The following CAMK1D variants were observed in gnomAD, a reference collection of about 807,000 sequenced individuals.
CAMK1D encodes the protein calcium/calmodulin-dependent protein kinase type 1D.
In CAMK1D, 9 loss-of-function variants were observed where a neutral mutation model predicts 47.7. The observed-to-expected ratio is 0.19, with a 90% CI of 0.11 to 0.33. CAMK1D has a LOEUF of 0.33. Among genes scored for constraint, CAMK1D ranks in the 10% least tolerant of loss-of-function variants. The probability of loss-of-function intolerance (pLI) is 1.00; values close to 1 mark genes in which losing one functional copy is unlikely to be tolerated. For synonymous variants in CAMK1D, 184 were observed against 184.9 expected (o/e 0.99, Z 0.04); for missense variants, 291 against 488.7 (o/e 0.60, Z 3.81).
intron 3 of CAMK1D, among the ~76,000 whole-genome samples, chr10:12,717,598 A>G (rs763802806): frequency 8.5e-5 from 13 of 152,050 alleles, no homozygotes; most frequent in Non-Finnish European, 1.3e-4. Flanking sequence ...AGTAAAAAAA[A>G]AAAATAGCCA....
At chr10:12,539,933 G>C (rs1447543011) in intron 1 of CAMK1D, among the ~76,000 whole-genome samples, 3 of 152,128 alleles carry the variant, frequency 2.0e-5, no homozygotes, top group Non-Finnish European at 4.4e-5. Context: ...TTTTTTAAGA[G>C]ACAGGGTCTC....
At chr10:12,716,849 A>G (rs1224315623) in intron 3 of CAMK1D, among the ~76,000 whole-genome samples, 1 of 152,040 alleles carries the variant, frequency 6.6e-6, no homozygotes. Context: ...TGGTACCATC[A>G]CCCGCGGCCT....
At position 12,508,343 on chromosome 10, in the gene CAMK1D, C is replaced by A. The variant is rs111700470; in HGVS notation, c.93-44882C>A. 4.1e-3 allele frequency among the ~76,000 whole-genome samples: 628 copies of A among 152,366 alleles called. 2 individuals are homozygous for A. The highest frequency in any genetic ancestry group is 0.015 in the African/African-American group (609 of 41,580). The stretch of plus-strand genomic sequence containing the variant: ...ACCTTACAAAAAAAGGAAATTCTGA[C>A]CCATGCTGCTGCATGGGTGAAACCT... On this transcript the variant is annotated intron_variant, in intron 1 of 10. Coordinates refer to ENST00000619168, the MANE Select transcript of CAMK1D (RefSeq NM_153498.4).
At chr10:12,828,706 G>A in intron 10 of CAMK1D, 63 bp from the exon 11 acceptor site, 1 of 1,351,268 alleles carries the variant, frequency 7.4e-7, no homozygotes, top group Non-Finnish European at 1.1e-6. Context: ...ACACCTGGCA[G>A]TGGGAAGCAG....
At chr10:12,812,683 G>A (rs1320346606) in intron 6 of CAMK1D, among the ~76,000 whole-genome samples, 2 of 152,170 alleles carry the variant, frequency 1.3e-5, no homozygotes, top group African/African-American at 2.4e-5. Context: ...AGCCCGAGAA[G>A]CAAGTTCTGC....
intron 3 of CAMK1D, among the ~76,000 whole-genome samples, chr10:12,718,764 A>G (rs1181139348): frequency 6.6e-6 from 1 of 152,182 alleles, no homozygotes; most frequent in East Asian, 1.9e-4. Flanking sequence ...GGTTTTTTTC[A>G]TTCAAAGTTG....
rs762684291 is a variant in CAMK1D, at chr10:12,666,827, A to T, written c.299+17A>T. ...CATGCAGCTGTAAGTACCTTGTTTG[A>T]TTGATGAGTTTTGAACCAACTTGCA... On this transcript the variant is annotated intron_variant, in intron 3 of 10. Transcript: ENST00000619168. 9 of 1,603,346 alleles carry T rather than the reference A, an allele frequency of 5.6e-6. No individual in the cohort carries two copies. Among genetic ancestry groups the T allele is most frequent in the Admixed American group, 3.3e-5 (2 of 59,770 alleles).
At chr10:12,617,738 G>T (rs1374687090) in intron 2 of CAMK1D, among the ~76,000 whole-genome samples, 1 of 152,088 alleles carries the variant, frequency 6.6e-6, no homozygotes, top group Non-Finnish European at 1.5e-5. Flanking sequence ...GCATGTCTCT[G>T]ATTCACCAGT....
At chr10:12,496,942 G>A (rs573721155) in intron 1 of CAMK1D, among the ~76,000 whole-genome samples, 5 of 152,186 alleles carry the variant, frequency 3.3e-5, no homozygotes, top group South Asian at 2.1e-4. Flanking sequence ...CCCTGTGTCC[G>A]TGTGTTCGCA....
chr10:12,492,210 C>T (rs1043093315), intron 1 of CAMK1D, among the ~76,000 whole-genome samples: 9 of 152,052 alleles, frequency 5.9e-5, no homozygotes, highest in African/African-American at 1.4e-4. Context: ...CTTCCACTCT[C>T]GGGCTGCCCT....
At chr10:12,692,850 G>T (rs1356813923) in intron 3 of CAMK1D, among the ~76,000 whole-genome samples, 1 of 152,184 alleles carries the variant, frequency 6.6e-6, no homozygotes, top group Admixed American at 6.5e-5. Flanking sequence ...AATGTTGTAG[G>T]TAATAGGAAT....
rs997628819 is a variant in CAMK1D at position 12,594,124 on chromosome 10, C to T, written c.224+40768C>T. Among the ~76,000 whole-genome samples the T allele has an allele frequency of 3.9e-5, 6 of 152,128 alleles. No homozygotes were observed. The South Asian group carries it at 1.0e-3, about 26-fold the overall frequency. On this transcript the variant is annotated intron_variant, in intron 2 of 10. Coordinates refer to ENST00000619168, the MANE Select transcript of CAMK1D (RefSeq NM_153498.4). Reference sequence around the variant, plus strand: ...CTTGGAGGCTGAGGTTGCAGTGAGCCGAGATCGTGCCATTGCACTCTAATA... The same window carrying T: ...CTTGGAGGCTGAGGTTGCAGTGAGCTGAGATCGTGCCATTGCACTCTAATA...
chr10:12,420,183 C>T (rs2131964421), intron 1 of CAMK1D, among the ~76,000 whole-genome samples: 1 of 152,304 alleles, frequency 6.6e-6, no homozygotes, highest in South Asian at 2.1e-4. Context: ...TGGTCTTGAA[C>T]TCCTGACCTT....
intron 1 of CAMK1D, among the ~76,000 whole-genome samples, chr10:12,538,942 G>A (rs1287274523): frequency 2.7e-5 from 4 of 149,384 alleles, no homozygotes; most frequent in East Asian, 3.9e-4. Context: ...TGGGAGAATC[G>A]AGACAAGAGC....
chr10:12,499,341 T>C (rs1360893916), intron 1 of CAMK1D, among the ~76,000 whole-genome samples: 2 of 152,124 alleles, frequency 1.3e-5, no homozygotes, highest in Non-Finnish European at 2.9e-5. Context: ...TTTCTCATTC[T>C]GGTAAGAATC....
chr10:12,808,710 G>A (rs999957938), intron 6 of CAMK1D, among the ~76,000 whole-genome samples: 85 of 152,204 alleles, frequency 5.6e-4, no homozygotes, highest in African/African-American at 1.9e-3. Flanking sequence ...CCCAGGAGGT[G>A]GAGGTTTCGG....
chr10:12,523,936 T>C (rs924689468), intron 1 of CAMK1D, among the ~76,000 whole-genome samples: 1 of 152,168 alleles, frequency 6.6e-6, no homozygotes, highest in Non-Finnish European at 1.5e-5. Context: ...AGTCTCGCTC[T>C]GTTGCCCAGG....
intron 10 of CAMK1D, chr10:12,825,957 G>T: frequency 2.1e-6 from 1 of 484,620 alleles, no homozygotes; most frequent in South Asian, 3.0e-5. Flanking sequence ...GACCAACATG[G>T]TGAAACCCCA....
chr10:12,817,848 C>T (rs1315722261), intron 8 of CAMK1D, among the ~76,000 whole-genome samples: 2 of 152,098 alleles, frequency 1.3e-5, no homozygotes, highest in Non-Finnish European at 2.9e-5. Flanking sequence ...CCACCATGCC[C>T]AGCTAATTTT....
Sources: gnomAD v4.1 joint callset for allele counts (sites outside exome capture counted in the v4.1 genomes callset) on GRCh38, gnomAD v4.1.1 for gene constraint, MANE v1.5 for transcripts, NCBI Gene and HGNC (gene_info 2026-07-23, HGNC 2026-07-21) for gene names.